Variants in CPQ observed in about 807,000 individuals in gnomAD.
The protein encoded by CPQ is carboxypeptidase Q.
Under a neutral mutation model 45.7 loss-of-function variants are expected in CPQ, and 37 were observed. The ratio of observed to expected loss-of-function variants is 0.81; its 90% CI spans 0.62 to 1.07. CPQ has a LOEUF of 1.07. Ranked by LOEUF, CPQ falls within the 50% of genes least tolerant of loss-of-function variation. The pLI is 0.00. For synonymous variants in CPQ, 186 were observed against 205.8 expected (o/e 0.90, Z 0.82); for missense variants, 537 against 572.9 (o/e 0.94, Z 0.64).
At chr8:97,031,237 A>T (rs554141785) in intron 6 of CPQ, among the ~76,000 whole-genome samples, 2 of 131,136 alleles carry the variant, frequency 1.5e-5, no homozygotes, top group East Asian at 4.6e-4. Flanking sequence ...CCCAGGCTGG[A>T]GTGGAGTGGC....
At chr8:97,124,494 T>A (rs1419395706) in intron 7 of CPQ, among the ~76,000 whole-genome samples, 1 of 152,128 alleles carries the variant, frequency 6.6e-6, no homozygotes, top group East Asian at 1.9e-4. Flanking sequence ...TAAGTGCACA[T>A]GGGGTATTCA....
At chr8:96,766,298 C>G (rs2130795102) in intron 1 of CPQ, among the ~76,000 whole-genome samples, 1 of 152,270 alleles carries the variant, frequency 6.6e-6, no homozygotes, top group Non-Finnish European at 1.5e-5. Context: ...GAGCACACTA[C>G]ACAGAGGAGA....
At chr8:97,007,453 G>A (rs1015424897) in intron 5 of CPQ, among the ~76,000 whole-genome samples, 1 of 152,172 alleles carries the variant, frequency 6.6e-6, no homozygotes, top group Non-Finnish European at 1.5e-5. Flanking sequence ...TTTCTATAAA[G>A]TGTCTGTTTT....
At chr8:96,704,119 CT>C (rs1771327307) in intron 1 of CPQ, among the ~76,000 whole-genome samples, 1 of 152,140 alleles carries the variant, frequency 6.6e-6, no homozygotes, top group African/African-American at 2.4e-5. Flanking sequence ...CCCTTTGAAA[CT>C]TATATTCCTT....
At chr8:97,072,912 G>C (rs1810772006) in intron 7 of CPQ, among the ~76,000 whole-genome samples, 2 of 152,224 alleles carry the variant, frequency 1.3e-5, no homozygotes, top group South Asian at 4.1e-4. Context: ...ACAAGTGCCT[G>C]GCCCTCGACA....
intron 4 of CPQ, among the ~76,000 whole-genome samples, chr8:96,910,705 C>T (rs1341679248): frequency 3.9e-5 from 6 of 152,068 alleles, no homozygotes; most frequent in Admixed American, 6.5e-5. Context: ...GGGGTTTCAC[C>T]GTGTTAGCCA....
At chr8:96,939,191 C>T (rs1004627812) in intron 4 of CPQ, among the ~76,000 whole-genome samples, 2 of 152,208 alleles carry the variant, frequency 1.3e-5, no homozygotes, top group African/African-American at 2.4e-5. Flanking sequence ...AATCAAACTA[C>T]TTGACCTCAG....
chr8:96,801,133 G>A (rs1028545070), intron 2 of CPQ, among the ~76,000 whole-genome samples: 5 of 151,864 alleles, frequency 3.3e-5, no homozygotes, highest in African/African-American at 9.7e-5. Context: ...ACACCACAAC[G>A]CCCAGCTATT....
At chr8:96,765,042 G>A (rs527744629) in intron 1 of CPQ, among the ~76,000 whole-genome samples, 1 of 152,192 alleles carries the variant, frequency 6.6e-6, no homozygotes, top group Non-Finnish European at 1.5e-5. Flanking sequence ...GAACAAGAAA[G>A]AATAGTAACT....
At chr8:96,813,882 G>A (rs1417476941) in intron 2 of CPQ, among the ~76,000 whole-genome samples, 2 of 151,930 alleles carry the variant, frequency 1.3e-5, no homozygotes, top group African/African-American at 2.4e-5. Flanking sequence ...TTTCAGTGAC[G>A]GACACTTATC....
In CPQ at chr8:96,785,237, G is replaced by C. The variant is rs1334621874; in HGVS notation, c.340G>C (p.Glu114Gln). 6.2e-7 allele frequency: 1 copy of C among 1,613,430 alleles called. No individual in the cohort carries two copies. Among genetic ancestry groups the C allele is most frequent in the African/African-American group, 1.3e-5 (1 of 74,902 alleles). Residue 114 changes from glutamate (E) to glutamine (Q), a missense_variant, in exon 2 of 8, where the codon GAG (glutamate) becomes CAG (glutamine). Transcript: ENST00000220763. ...GGAGCCAGTGAGAATACCCCACTGG[G>C]AGAGGGGAGAAGAATCAGCTGTGAT... is the stretch of plus-strand genomic sequence containing the variant. ...HLEPVRIPHW[E>Q]RGEESAVMLE...
intron 4 of CPQ, among the ~76,000 whole-genome samples, chr8:96,931,914 C>T (rs1812980274): frequency 6.6e-6 from 1 of 152,118 alleles, no homozygotes; most frequent in Admixed American, 6.5e-5. Context: ...CATTACAGAT[C>T]CCTCTGGACT....
chr8:97,040,527 C>G (rs1301462822), intron 6 of CPQ, among the ~76,000 whole-genome samples: 1 of 152,178 alleles, frequency 6.6e-6, no homozygotes, highest in Non-Finnish European at 1.5e-5. Flanking sequence ...GTTGCCATCG[C>G]TTTTGGTGTT....
chr8:97,093,876 A>G (rs1458821495), intron 7 of CPQ, among the ~76,000 whole-genome samples: 1 of 152,218 alleles, frequency 6.6e-6, no homozygotes, highest in Non-Finnish European at 1.5e-5. Flanking sequence ...AGTCTCTGAC[A>G]TCACTGGGAT....
At chr8:96,841,357 G>A (rs1811605848) in intron 3 of CPQ, among the ~76,000 whole-genome samples, 1 of 152,148 alleles carries the variant, frequency 6.6e-6, no homozygotes, top group South Asian at 2.1e-4. Flanking sequence ...TGGGACTTCT[G>A]CCTCCTGCTT....
chr8:96,927,531 C>T (rs913941742), intron 4 of CPQ, among the ~76,000 whole-genome samples: 7 of 152,116 alleles, frequency 4.6e-5, no homozygotes, highest in Non-Finnish European at 4.4e-5. Flanking sequence ...TGAGGGGTTG[C>T]GCTCCTAGAC....
chr8:97,046,758 T>C, intron 6 of CPQ, among the ~76,000 whole-genome samples: 1 of 152,232 alleles, frequency 6.6e-6, no homozygotes, highest in Non-Finnish European at 1.5e-5. Context: ...CCACCTGCCC[T>C]CACTGCCATA....
intron 1 of CPQ, among the ~76,000 whole-genome samples, chr8:96,700,854 A>G (rs1352205165): frequency 1.3e-5 from 2 of 152,218 alleles, no homozygotes; most frequent in South Asian, 4.1e-4. Flanking sequence ...GCCTGACCTG[A>G]AGCTTGGCTG....
chr8:97,014,573 C>T (rs192139516), intron 5 of CPQ, among the ~76,000 whole-genome samples: 101 of 147,136 alleles, frequency 6.9e-4, no homozygotes, highest in Non-Finnish European at 1.2e-3. Context: ...ACCCAGGAGT[C>T]GGAGGTTGCA....
Sources: allele counts gnomAD v4.1 joint callset (sites outside exome capture counted in the v4.1 genomes callset), GRCh38; gene constraint gnomAD v4.1.1; transcripts MANE v1.5; gene names NCBI Gene and HGNC (gene_info 2026-07-23, HGNC 2026-07-21).